HCN1: variants seen among roughly 807,000 people sequenced by gnomAD.
HCN1 encodes the protein hyperpolarization activated cyclic nucleotide gated potassium channel 1, also known as potassium/sodium hyperpolarization-activated cyclic nucleotide-gated channel 1.
In HCN1, 13 loss-of-function variants were observed where a neutral mutation model predicts 78.9. That is an observed-to-expected ratio of 0.16 (90% CI 0.11 to 0.26). HCN1 has a LOEUF of 0.26. Among genes scored for constraint, HCN1 ranks in the 10% least tolerant of loss-of-function variants. The probability of loss-of-function intolerance (pLI) is 1.00; values close to 1 mark genes in which losing one functional copy is unlikely to be tolerated. For missense variants in HCN1, 810 were observed against 1,154.3 expected, an observed-to-expected ratio of 0.70 and a Z score of 4.32; for synonymous variants, 552 against 455.5, an observed-to-expected ratio of 1.21 and a Z score of -2.70.
chr5:45,331,232 G>A (rs1746338251), intron 5 of HCN1, among the ~76,000 whole-genome samples: 1 of 151,064 alleles, frequency 6.6e-6, no homozygotes, highest in Admixed American at 6.6e-5. Context: ...TCTTAGGGCA[G>A]TAATCATTGT....
chr5:45,353,281 A>C, intron 4 of HCN1, 35 bp from the exon 5 acceptor site: 2 of 1,422,830 alleles, frequency 1.4e-6, no homozygotes, highest in Non-Finnish European at 2.0e-6. Flanking sequence ...AAAAAAAAAC[A>C]TTGTTAGGGT....
intron 1 of HCN1, among the ~76,000 whole-genome samples, chr5:45,684,936 A>C (rs1361540111): frequency 6.6e-6 from 1 of 152,168 alleles, no homozygotes; most frequent in Non-Finnish European, 1.5e-5. Context: ...ATGTTCCTCA[A>C]ACAACCTAGG....
At chr5:45,634,033 T>C (rs1745316014) in intron 2 of HCN1, among the ~76,000 whole-genome samples, 1 of 152,004 alleles carries the variant, frequency 6.6e-6, no homozygotes, top group Non-Finnish European at 1.5e-5. Context: ...AAAACAATCA[T>C]CTTTGACATT....
intron 2 of HCN1, among the ~76,000 whole-genome samples, chr5:45,540,414 A>G (rs892397974): frequency 6.6e-6 from 1 of 151,440 alleles, no homozygotes; most frequent in Non-Finnish European, 1.5e-5. Flanking sequence ...TGCAGCCTCA[A>G]CCTCCCCAGG....
chr5:45,363,234 A>C (rs1181608171), intron 4 of HCN1, among the ~76,000 whole-genome samples: 1 of 149,958 alleles, frequency 6.7e-6, no homozygotes, highest in Admixed American at 6.7e-5. Context: ...CTTTCCTTGT[A>C]AGCTGACCCA....
chr5:45,390,172 A>T (rs1340270264), intron 4 of HCN1, among the ~76,000 whole-genome samples: 2 of 152,112 alleles, frequency 1.3e-5, no homozygotes, highest in Non-Finnish European at 2.9e-5. Context: ...TTACCTCTTC[A>T]TTCTTCAAGG....
chr5:45,377,760 A>G (rs1747713773), intron 4 of HCN1, among the ~76,000 whole-genome samples: 3 of 152,024 alleles, frequency 2.0e-5, no homozygotes, highest in African/African-American at 7.2e-5. Context: ...GGGTGTTACT[A>G]TAAATACATA....
intron 3 of HCN1, among the ~76,000 whole-genome samples, chr5:45,425,923 A>G (rs777535251): frequency 1.3e-5 from 2 of 152,224 alleles, no homozygotes; most frequent in Non-Finnish European, 2.9e-5. Context: ...GATAGAACAC[A>G]TAAAAAGCAT....
intron 2 of HCN1, among the ~76,000 whole-genome samples, chr5:45,580,184 T>C (rs1456121111): frequency 8.6e-5 from 13 of 152,026 alleles, no homozygotes; most frequent in Non-Finnish European, 1.3e-4. Context: ...GTGGAGGTAA[T>C]TACGGTTGAA....
intron 2 of HCN1, chr5:45,575,321 T>C (rs1337784893): frequency 6.6e-6 from 1 of 152,002 alleles, no homozygotes; most frequent in Non-Finnish European, 1.5e-5. Flanking sequence ...CTCAGCAAAC[T>C]ATCGCAAGGA....
intron 1 of HCN1, among the ~76,000 whole-genome samples, chr5:45,683,090 G>A (rs2112091474): frequency 6.6e-6 from 1 of 151,252 alleles, no homozygotes; most frequent in Non-Finnish European, 1.5e-5. Flanking sequence ...ATTTTTCTAG[G>A]ATTTCTGATT....
intron 4 of HCN1, among the ~76,000 whole-genome samples, chr5:45,373,192 A>T (rs1217029938): frequency 9.4e-4 from 115 of 121,796 alleles, no homozygotes; most frequent in African/African-American, 3.5e-3. Flanking sequence ...AAATATATGT[A>T]TTTTATATAT....
Position 45,380,844 on chromosome 5 carries a change from G to A in HCN1, c.1230+15648C>T, listed in dbSNP as rs28674899. 5.7e-3 allele frequency among the ~76,000 whole-genome samples: 865 copies of A among 152,204 alleles called. 9 individuals are homozygous for A. Among genetic ancestry groups the A allele is most frequent in the African/African-American group, 0.018 (752 of 41,556 alleles). Reference sequence around the variant, plus strand: ...CTGGAACCACGAGATAAGACATCCCGTTGCTTGCTCAAAGTGAGATTAATT... The same window carrying A: ...CTGGAACCACGAGATAAGACATCCCATTGCTTGCTCAAAGTGAGATTAATT... On this transcript the variant is annotated intron_variant, in intron 4 of 7. Coordinates refer to ENST00000303230, the MANE Select transcript of HCN1 (RefSeq NM_021072.4).
chr5:45,554,889 G>A (rs760492454), intron 2 of HCN1, among the ~76,000 whole-genome samples: 1 of 151,830 alleles, frequency 6.6e-6, no homozygotes, highest in Non-Finnish European at 1.5e-5. Context: ...CTTTCTCTGA[G>A]ATTCATGGAG....
At chr5:45,338,629 G>A (rs574414684) in intron 5 of HCN1, among the ~76,000 whole-genome samples, 1 of 150,742 alleles carries the variant, frequency 6.6e-6, no homozygotes, top group Admixed American at 6.6e-5. Context: ...ACATAACAGT[G>A]ACCCAAACAC....
In HCN1 at chr5:45,695,976, C is replaced by T; in HGVS notation, c.118G>A (p.Gly40Ser). ...AGPAAAEKRL[G>S]TPPGGGGAGA... ...GCCCCGCCGCCCCCCGGCGGGGTGCCCAGGCGCTTCTCGGCCGCGGCCGGC... is the reference window on the plus strand; with the variant it reads ...GCCCCGCCGCCCCCCGGCGGGGTGCTCAGGCGCTTCTCGGCCGCGGCCGGC... Residue 40 changes from glycine to serine, a missense_variant, in exon 1 of 8, where the codon GGC becomes AGC. Transcript: ENST00000303230. The T allele has an allele frequency of 3.0e-6, 4 of 1,320,234 alleles. No individual in the cohort carries two copies. The highest frequency in any genetic ancestry group is 3.9e-6 in the Non-Finnish European group (4 of 1,038,536). 81.8% of individuals were successfully genotyped at this position (1,320,234 alleles called of 1,614,324 possible).
chr5:45,586,801 A>C (rs2111935464), intron 2 of HCN1, among the ~76,000 whole-genome samples: 1 of 152,286 alleles, frequency 6.6e-6, no homozygotes, highest in Admixed American at 6.5e-5. Flanking sequence ...CCAGAGACTA[A>C]ATTAATAAAT....
intron 6 of HCN1, among the ~76,000 whole-genome samples, chr5:45,290,172 C>A (rs934094916): frequency 5.3e-5 from 8 of 151,992 alleles, no homozygotes; most frequent in African/African-American, 9.7e-5. Context: ...GACATTCCCC[C>A]ACTTCTCCTT....
intron 2 of HCN1, among the ~76,000 whole-genome samples, chr5:45,530,581 G>A (rs1436869842): frequency 1.3e-5 from 2 of 151,260 alleles, no homozygotes; most frequent in African/African-American, 4.9e-5. Context: ...AATATTTTGG[G>A]GTAAAATTTT....
Sources: gnomAD v4.1 joint callset for allele counts (sites outside exome capture counted in the v4.1 genomes callset) on GRCh38, gnomAD v4.1.1 for gene constraint, MANE v1.5 for transcripts, NCBI Gene and HGNC (gene_info 2026-07-23, HGNC 2026-07-21) for gene names.